The following DGKB variants were observed in gnomAD, a reference collection of about 807,000 sequenced individuals.
The protein encoded by DGKB is diacylglycerol kinase beta, also known as 90 kDa diacylglycerol kinase.
A neutral mutation model predicts 114.3 loss-of-function variants in DGKB; 67 were observed. That is an observed-to-expected ratio of 0.59 (90% CI 0.48 to 0.72). The LOEUF (loss-of-function observed/expected upper bound fraction) is 0.72, where lower values mean the gene tolerates loss of function less well. Among genes scored for constraint, DGKB ranks in the 30% least tolerant of loss-of-function variants. DGKB has a pLI of 0.00. For synonymous variants in DGKB, 398 were observed against 323.1 expected (o/e 1.23, Z -2.49); for missense variants, 907 against 975.2 (o/e 0.93, Z 0.93).
At chr7:14,656,788 G>GTA (rs1231023238) in intron 13 of DGKB, among the ~76,000 whole-genome samples, 4 of 143,086 alleles carry the variant, frequency 2.8e-5, no homozygotes, top group East Asian at 2.0e-4. Flanking sequence ...TATATATATG[G>GTA]TATATATATA....
chr7:14,244,125 A>G (rs557016312), intron 23 of DGKB, among the ~76,000 whole-genome samples: 1 of 152,314 alleles, frequency 6.6e-6, no homozygotes, highest in African/African-American at 2.4e-5. Context: ...GGCTTCTGAC[A>G]GAGTGATTAG....
intron 13 of DGKB, among the ~76,000 whole-genome samples, chr7:14,668,937 G>C (rs562972967): frequency 6.6e-6 from 1 of 151,714 alleles, no homozygotes; most frequent in Non-Finnish European, 1.5e-5. Flanking sequence ...AAATATGACT[G>C]AATGTGAGTA....
chr7:14,803,572 T>C (rs1427240973), intron 2 of DGKB, among the ~76,000 whole-genome samples: 1 of 152,198 alleles, frequency 6.6e-6, no homozygotes, highest in Non-Finnish European at 1.5e-5. Context: ...TTTCTGTTTC[T>C]TCAACACTGT....
At chr7:14,672,750 A>C (rs1819178521) in intron 13 of DGKB, among the ~76,000 whole-genome samples, 179 bp downstream of exon 13, 1 of 152,164 alleles carries the variant, frequency 6.6e-6, no homozygotes, top group Admixed American at 6.6e-5. Context: ...GTATTTTGAC[A>C]GAAGGAAAAA....
intron 5 of DGKB, among the ~76,000 whole-genome samples, chr7:14,728,142 C>T (rs921211894): frequency 1.3e-5 from 2 of 152,080 alleles, no homozygotes; most frequent in African/African-American, 4.8e-5. Context: ...TTAACCATTG[C>T]CTCATCAAAC....
chr7:14,204,169 T>C (rs1713463843), intron 23 of DGKB, among the ~76,000 whole-genome samples: 1 of 152,034 alleles, frequency 6.6e-6, no homozygotes, highest in African/African-American at 2.4e-5. Context: ...GATTAACATT[T>C]ATGAAAACAT....
intron 1 of DGKB, among the ~76,000 whole-genome samples, chr7:14,943,397 T>C (rs1490415175): frequency 6.6e-6 from 1 of 151,932 alleles, no homozygotes; most frequent in Non-Finnish European, 1.5e-5. Flanking sequence ...GTACAATAGA[T>C]AAAATGATTA....
At chr7:14,746,895 C>A (rs1390047408) in intron 4 of DGKB, among the ~76,000 whole-genome samples, 2 of 152,002 alleles carry the variant, frequency 1.3e-5, no homozygotes, top group Non-Finnish European at 2.9e-5. Flanking sequence ...TTTGCTATAA[C>A]ATTTCTGTGT....
At chr7:14,764,319 A>T (rs1406006873) in intron 2 of DGKB, among the ~76,000 whole-genome samples, 8 of 152,010 alleles carry the variant, frequency 5.3e-5, no homozygotes, top group Admixed American at 5.3e-4. Context: ...ATAATTGTAT[A>T]GTTAAATTGT....
Position 14,920,847 on chromosome 7 carries a change from G to C in DGKB, c.-188+53849C>G, listed in dbSNP as rs369861047. ...GAAATGAGCTATGAAGCCAAGGAAA[G>C]ACATAAATAAACTTACATGTATTTT... On this transcript the variant is annotated intron_variant, in intron 1 of 4. Transcript: ENST00000437998. 1.3e-4 allele frequency among the ~76,000 whole-genome samples: 19 copies of C among 146,368 alleles called. No individual in the cohort carries two copies. The South Asian group carries it at 3.5e-3, about 27-fold the overall frequency.
chr7:14,160,359 T>C (rs1783693042), intron 25 of DGKB, among the ~76,000 whole-genome samples: 1 of 152,110 alleles, frequency 6.6e-6, no homozygotes, highest in Admixed American at 6.6e-5. Flanking sequence ...ATGACATGAT[T>C]GTATATTTAG....
chr7:14,933,341 T>G (rs11768776), intron 1 of DGKB, among the ~76,000 whole-genome samples: 3 of 152,170 alleles, frequency 2.0e-5, no homozygotes, highest in Non-Finnish European at 4.4e-5. Context: ...TAACTGCAAA[T>G]TGGATCTATC....
At chr7:14,839,117 T>A (rs577698204) in intron 2 of DGKB, among the ~76,000 whole-genome samples, 12 of 152,222 alleles carry the variant, frequency 7.9e-5, no homozygotes, top group African/African-American at 2.9e-4. Context: ...GAATTATTTA[T>A]CTATTAGTTT....
At chr7:14,336,643 C>T (rs916347655) in intron 23 of DGKB, among the ~76,000 whole-genome samples, 1 of 152,136 alleles carries the variant, frequency 6.6e-6, no homozygotes, top group Non-Finnish European at 1.5e-5. Flanking sequence ...GCTTTTCCAA[C>T]AGTTACAGGC....
chr7:14,527,045 T>C (rs1452581430), intron 20 of DGKB, among the ~76,000 whole-genome samples: 1 of 152,184 alleles, frequency 6.6e-6, no homozygotes, highest in African/African-American at 2.4e-5. Flanking sequence ...TCAATGGTGG[T>C]GTAACACTAC....
intron 2 of DGKB, among the ~76,000 whole-genome samples, chr7:14,826,698 C>T (rs2128112789): frequency 6.6e-6 from 1 of 152,186 alleles, no homozygotes; most frequent in South Asian, 2.1e-4. Context: ...CTTCTCTGGG[C>T]TTTAATTTCC....
In DGKB at chr7:14,270,498, C is replaced by T. The variant is rs79584310; in HGVS notation, c.2122+68017G>A. On this transcript the variant is annotated intron_variant, in intron 23 of 25. Coordinates refer to ENST00000402815, the MANE Select transcript of DGKB (RefSeq NM_001350709.2). The stretch of plus-strand genomic sequence containing the variant: ...GGGGTAGACAGGGGCACGGGGTTTA[C>T]AAAGCACTTCCTTTTCAGGAAGGGC... 1.5e-3 allele frequency among the ~76,000 whole-genome samples: 221 copies of T among 152,246 alleles called. 8 individuals carry two copies. In the East Asian group the frequency reaches 0.032, roughly 22 times the overall value.
At chr7:14,634,855 A>G (rs912955029) in intron 13 of DGKB, among the ~76,000 whole-genome samples, 3 of 151,534 alleles carry the variant, frequency 2.0e-5, no homozygotes, top group African/African-American at 7.3e-5. Context: ...GAGGTCCTTA[A>G]TTGTGTACAC....
In DGKB at chr7:14,641,353, A is replaced by G. The variant is rs1033704889; in HGVS notation, c.1135-11085T>C. 7.2e-5 allele frequency among the ~76,000 whole-genome samples: 11 copies of G among 151,876 alleles called. No individual in the cohort carries two copies. In the South Asian group the frequency reaches 2.3e-3, roughly 32 times the overall value. ...GTTTACAATATAGGGATTGCATTTT[A>G]CAATACAAAGATTTGTTGTTGCTGT... On this transcript the variant is annotated intron_variant, in intron 13 of 25. Transcript: ENST00000402815.
Sources: gnomAD v4.1 joint callset for allele counts (sites outside exome capture counted in the v4.1 genomes callset) on GRCh38, gnomAD v4.1.1 for gene constraint, MANE v1.5 for transcripts, NCBI Gene and HGNC (gene_info 2026-07-23, HGNC 2026-07-21) for gene names.